The following DMD variants were observed in gnomAD, a reference collection of about 807,000 sequenced individuals.
DMD encodes mutant dystrophin.
Under a neutral mutation model 330.1 loss-of-function variants are expected in DMD, and 63 were observed. The ratio of observed to expected loss-of-function variants is 0.19; its 90% CI spans 0.16 to 0.24. The LOEUF (loss-of-function observed/expected upper bound fraction) is 0.24, where lower values mean the gene tolerates loss of function less well. DMD is among the 10% of genes least tolerant of loss of function. The pLI, the probability that DMD is intolerant of heterozygous loss-of-function variation, is 1.00. For synonymous variants in DMD, 1,223 were observed against 959.8 expected (o/e 1.27, Z -5.07); for missense variants, 3,344 against 2,684.1 (o/e 1.25, Z -5.43).
chrX:31,790,401 CT>C (rs1445176152), intron 50 of DMD, among the ~76,000 whole-genome samples: 1 of 111,500 alleles, frequency 9.0e-6, no homozygotes, highest in Non-Finnish European at 1.9e-5. Context: ...AGTTCGGATC[CT>C]TTCATGCATC....
chrX:32,838,578 A>ATTC (rs1377992102), intron 4 of DMD, among the ~76,000 whole-genome samples: 1 of 111,848 alleles, frequency 8.9e-6, no homozygotes, highest in Non-Finnish European at 1.9e-5. Context: ...ACATGAACTC[A>ATTC]TTCTTTTTTT....
intron 55 of DMD, among the ~76,000 whole-genome samples, chrX:31,517,198 T>A (rs2072298971): frequency 8.9e-6 from 1 of 111,764 alleles, no homozygotes; most frequent in Admixed American, 9.6e-5. Context: ...AATACCTACC[T>A]TTTAAGGTTT....
chrX:31,517,284 C>T (rs891046433), intron 55 of DMD, among the ~76,000 whole-genome samples: 1 of 111,448 alleles, frequency 9.0e-6, no homozygotes, highest in African/African-American at 3.3e-5. Context: ...TGTGAGGTTT[C>T]ATTAATGTTG....
intron 55 of DMD, among the ~76,000 whole-genome samples, chrX:31,611,083 A>T (rs1307184168): frequency 1.1e-4 from 11 of 100,420 alleles, no homozygotes; most frequent in African/African-American, 2.9e-4. Flanking sequence ...TTGCAGAATC[A>T]TTTTTTTTTT....
Position 32,787,230 on chromosome X carries a change from G to A in DMD, c.649+22263C>T, listed in dbSNP as rs987997127. On this transcript the variant is annotated intron_variant, in intron 7 of 78. Coordinates refer to ENST00000357033, the MANE Select transcript of DMD (RefSeq NM_004006.3). ...CTCTGTCAAGTGTGTGTGTGTGTGT[G>A]TGTGTGTGTGTGTGTGTGAGAGAGA... 6.0e-5 allele frequency among the ~76,000 whole-genome samples: 6 copies of A among 100,204 alleles called. No homozygotes were observed. In the Admixed American group the frequency reaches 6.6e-4, roughly 11 times the overall value. The allele number at this position is 100,204 out of a possible 115,157, so 87.0% of individuals were successfully genotyped here. A position where few individuals can be genotyped will look rare whatever the true frequency, so the allele number is the denominator to read the frequency against.
chrX:31,127,811 T>C (rs2033917542), intron 77 of DMD, among the ~76,000 whole-genome samples: 1 of 111,861 alleles, frequency 8.9e-6, no homozygotes, highest in Non-Finnish European at 1.9e-5. Flanking sequence ...CTAGTATACA[T>C]TTAAGGATAG....
chrX:31,988,405 T>C (rs1425835978), intron 44 of DMD, among the ~76,000 whole-genome samples: 13 of 87,613 alleles, frequency 1.5e-4, no homozygotes, highest in Non-Finnish European at 2.7e-4. Flanking sequence ...ACCCGGGCAG[T>C]GGAGCTTGCA....
chrX:32,955,955 T>A (rs2091558038), intron 2 of DMD, among the ~76,000 whole-genome samples: 1 of 112,137 alleles, frequency 8.9e-6, no homozygotes, highest in African/African-American at 3.2e-5. Flanking sequence ...TGTAGTATAG[T>A]TTGAAGTCAG....
intron 19 of DMD, among the ~76,000 whole-genome samples, chrX:32,500,327 T>C (rs867259292): frequency 2.5e-4 from 28 of 111,741 alleles, no homozygotes; most frequent in South Asian, 3.7e-4. Context: ...CCTCCAAAAA[T>C]TAGAACTATG....
At chrX:31,166,778 T>G (rs1270296422) in intron 74 of DMD, among the ~76,000 whole-genome samples, 2 of 111,430 alleles carry the variant, frequency 1.8e-5, no homozygotes. Context: ...TGGAGACATT[T>G]CTTTGGAATT....
At chrX:31,803,731 C>G (rs1203078974) in intron 50 of DMD, among the ~76,000 whole-genome samples, 4 of 105,554 alleles carry the variant, frequency 3.8e-5, no homozygotes, top group African/African-American at 1.4e-4. Context: ...CGGAGTTTCA[C>G]TCTTGTTGCC....
chrX:33,253,956 T>C (rs1320896806), intron 1 of DMD, among the ~76,000 whole-genome samples: 1 of 111,189 alleles, frequency 9.0e-6, no homozygotes, highest in Non-Finnish European at 1.9e-5. Flanking sequence ...AAACTCTTAA[T>C]ATGCCTAATG....
chrX:32,022,891 G>A (rs1325083636), intron 44 of DMD, among the ~76,000 whole-genome samples: 1 of 104,639 alleles, frequency 9.6e-6, no homozygotes, highest in Non-Finnish European at 1.9e-5. Context: ...GGAGTGCAAT[G>A]GCACGATCTC....
chrX:32,819,742 C>G (rs1209806330), intron 5 of DMD, among the ~76,000 whole-genome samples: 1 of 107,362 alleles, frequency 9.3e-6, no homozygotes, highest in Non-Finnish European at 1.9e-5. Context: ...CGCTCGTTAT[C>G]TGATAGATCT....
chrX:32,424,850 G>A (rs1418149282), intron 29 of DMD, among the ~76,000 whole-genome samples: 1 of 109,563 alleles, frequency 9.1e-6, no homozygotes, highest in African/African-American at 3.3e-5. Flanking sequence ...GTAACCAGAT[G>A]AATGACTTGC....
intron 44 of DMD, among the ~76,000 whole-genome samples, chrX:32,208,182 G>A (rs1378050165): frequency 8.9e-6 from 1 of 111,890 alleles, no homozygotes; most frequent in Admixed American, 9.5e-5. Flanking sequence ...TAATGCAAAC[G>A]TGGGTACAAC....
intron 53 of DMD, 45 bp from the exon 54 acceptor site, chrX:31,658,189 T>A: frequency 8.5e-7 from 1 of 1,182,412 alleles, no homozygotes; most frequent in Non-Finnish European, 1.2e-6. Flanking sequence ...GTTTTTTTTA[T>A]GAAATCTCTA....
At chrX:32,715,731 G>A (rs753250132) in intron 7 of DMD, among the ~76,000 whole-genome samples, 4 of 110,593 alleles carry the variant, frequency 3.6e-5, no homozygotes, top group South Asian at 7.7e-4. Context: ...AACCGGGGAG[G>A]TGGAGGTTGC....
intron 55 of DMD, among the ~76,000 whole-genome samples, chrX:31,527,659 T>G (rs745736482): frequency 2.7e-4 from 30 of 111,309 alleles, no homozygotes; most frequent in Non-Finnish European, 5.5e-4. Flanking sequence ...AGTTCCAAAG[T>G]TCTTTCTCCA....
Sources: gnomAD v4.1 joint callset for allele counts (sites outside exome capture counted in the v4.1 genomes callset) on GRCh38, gnomAD v4.1.1 for gene constraint, MANE v1.5 for transcripts, NCBI Gene and HGNC (gene_info 2026-07-23, HGNC 2026-07-21) for gene names.